Variants in TENM2 observed in about 807,000 individuals in gnomAD.
TENM2 encodes the protein teneurin-2.
Under a neutral mutation model 245.2 loss-of-function variants are expected in TENM2, and 52 were observed. The observed-to-expected ratio is 0.21, with a 90% confidence interval of 0.17 to 0.27. The LOEUF (loss-of-function observed/expected upper bound fraction) is 0.27, where lower values mean the gene tolerates loss of function less well. Among genes scored for constraint, TENM2 ranks in the 10% least tolerant of loss-of-function variants. The pLI, the probability that TENM2 is intolerant of heterozygous loss-of-function variation, is 1.00. For missense variants in TENM2, 3,046 were observed against 3,666.8 expected (o/e 0.83, Z 4.37); for synonymous variants, 1,363 against 1,438.9 (o/e 0.95, Z 1.19).
chr5:167,516,938 AT>A, intron 2 of TENM2, among the ~76,000 whole-genome samples: 1 of 152,268 alleles, frequency 6.6e-6, no homozygotes, highest in Middle Eastern at 3.4e-3. Flanking sequence ...GACACTTTAA[AT>A]TTTCTTTAGA....
chr5:167,424,068 G>T (rs185686811), intron 2 of TENM2, among the ~76,000 whole-genome samples: 1 of 151,990 alleles, frequency 6.6e-6, no homozygotes, highest in African/African-American at 2.4e-5. Flanking sequence ...CCTCTGTCCC[G>T]GCAGAAATAC....
intron 3 of TENM2, among the ~76,000 whole-genome samples, chr5:167,923,020 ATACTC>A (rs1317696808): frequency 6.6e-6 from 1 of 152,178 alleles, no homozygotes; most frequent in Non-Finnish European, 1.5e-5. Context: ...TCTGTCTCTT[ATACTC>A]TAATCGAGGC....
chr5:167,418,108 T>A (rs888612922), intron 2 of TENM2, among the ~76,000 whole-genome samples: 12 of 152,138 alleles, frequency 7.9e-5, no homozygotes, highest in African/African-American at 2.7e-4. Flanking sequence ...GGTGGGTGGA[T>A]CACCTGAGGT....
At chr5:168,117,623 C>A (rs1795175834) in intron 9 of TENM2, among the ~76,000 whole-genome samples, 1 of 152,142 alleles carries the variant, frequency 6.6e-6, no homozygotes, top group South Asian at 2.1e-4. Flanking sequence ...CAGCAGTTGA[C>A]CATGGGTAAC....
chr5:167,242,831 G>T, the TENM2 span, among the ~76,000 whole-genome samples: 1 of 152,158 alleles, frequency 6.6e-6, no homozygotes, highest in East Asian at 1.9e-4. Context: ...ACTTTCAACT[G>T]CATGGGGTCA....
chr5:168,022,029 A>G (rs1282974080), intron 5 of TENM2, among the ~76,000 whole-genome samples: 2 of 152,254 alleles, frequency 1.3e-5, no homozygotes, highest in Non-Finnish European at 2.9e-5. Flanking sequence ...GAGATTGTCT[A>G]GTGTGATATA....
At chr5:167,499,954 A>C (rs1440572501) in intron 2 of TENM2, among the ~76,000 whole-genome samples, 1 of 64,200 alleles carries the variant, frequency 1.6e-5, no homozygotes, top group Non-Finnish European at 3.2e-5. Flanking sequence ...GTGTGTGTGT[A>C]TGTACGTGTA....
At chr5:167,015,216 A>G in the TENM2 span, among the ~76,000 whole-genome samples, 3 of 152,194 alleles carry the variant, frequency 2.0e-5, no homozygotes, top group African/African-American at 7.2e-5. Flanking sequence ...TGGTTAGTTC[A>G]GTGGTTAAAA....
chr5:167,866,094 A>C (rs1772297028), intron 2 of TENM2, among the ~76,000 whole-genome samples: 1 of 152,248 alleles, frequency 6.6e-6, no homozygotes, highest in Admixed American at 6.5e-5. Context: ...ATGTAACAAA[A>C]GCAATGATGA....
At chr5:167,649,301 C>T (rs749575546) in intron 2 of TENM2, among the ~76,000 whole-genome samples, 1 of 152,148 alleles carries the variant, frequency 6.6e-6, no homozygotes, top group Admixed American at 6.5e-5. Context: ...TAACATCCTC[C>T]AAGTTGACCT....
At chr5:167,070,582 A>G in the TENM2 span, among the ~76,000 whole-genome samples, 5 of 152,136 alleles carry the variant, frequency 3.3e-5, no homozygotes, top group African/African-American at 1.2e-4. Flanking sequence ...TAAGTGAATA[A>G]TCTATATAAT....
At chr5:167,577,073 C>CCATT (rs1210991194) in intron 2 of TENM2, among the ~76,000 whole-genome samples, 5 of 152,152 alleles carry the variant, frequency 3.3e-5, no homozygotes, top group African/African-American at 9.7e-5. Context: ...AACTGCTCTG[C>CCATT]TTGTAATCAC....
chr5:168,225,971 G>A (rs925665637), intron 23 of TENM2, 117 bp from the exon 26 acceptor site: 49 of 889,106 alleles, frequency 5.5e-5, no homozygotes, highest in South Asian at 7.2e-5. Context: ...AGTGAGATGC[G>A]CCACCCAGCC....
chr5:168,149,027 A>G (rs1756395769), intron 12 of TENM2, among the ~76,000 whole-genome samples: 1 of 152,146 alleles, frequency 6.6e-6, no homozygotes, highest in Non-Finnish European at 1.5e-5. Context: ...GACCAGGAGT[A>G]ATAACCTGGG....
chr5:167,430,934 A>G (rs907240944), intron 2 of TENM2, among the ~76,000 whole-genome samples: 9 of 152,206 alleles, frequency 5.9e-5, no homozygotes, highest in East Asian at 1.9e-4. Context: ...CATATTTCCA[A>G]TGTTTCTATG....
At chr5:167,562,091 G>A (rs886562777) in intron 2 of TENM2, among the ~76,000 whole-genome samples, 1 of 152,190 alleles carries the variant, frequency 6.6e-6, no homozygotes, top group African/African-American at 2.4e-5. Flanking sequence ...CCTGAAAGCA[G>A]GAGGTATGGC....
At chr5:167,036,756 G>A in the TENM2 span, among the ~76,000 whole-genome samples, 6 of 152,096 alleles carry the variant, frequency 3.9e-5, no homozygotes, top group Admixed American at 2.0e-4. Context: ...AGTTGTCTGC[G>A]TAATCAGTTG....
At chr5:168,062,609 G>C (rs1253559256) in intron 7 of TENM2, among the ~76,000 whole-genome samples, 2 of 152,160 alleles carry the variant, frequency 1.3e-5, no homozygotes, top group Non-Finnish European at 2.9e-5. Flanking sequence ...ATTTATGATA[G>C]CCAAACAGTA....
intron 2 of TENM2, among the ~76,000 whole-genome samples, chr5:167,532,906 A>G (rs1454335633): frequency 6.6e-6 from 1 of 151,778 alleles, no homozygotes; most frequent in African/African-American, 2.4e-5. Context: ...ACATGGGACT[A>G]TAGTCCCCAA....
Sources: allele counts gnomAD v4.1 joint callset (sites outside exome capture counted in the v4.1 genomes callset), GRCh38; gene constraint gnomAD v4.1.1; transcripts MANE v1.5; gene names NCBI Gene and HGNC (gene_info 2026-07-23, HGNC 2026-07-21).